SEMA6B: variants seen among roughly 807,000 people sequenced by gnomAD.
SEMA6B encodes the protein semaphorin-6B.
Under a neutral mutation model 78.6 loss-of-function variants are expected in SEMA6B, and 47 were observed. The ratio of observed to expected loss-of-function variants is 0.60; its 90% CI spans 0.47 to 0.76. The LOEUF (loss-of-function observed/expected upper bound fraction) is 0.76, where lower values mean the gene tolerates loss of function less well. SEMA6B is among the 30% of genes least tolerant of loss of function. The probability of loss-of-function intolerance (pLI) is 0.00; values close to 1 mark genes in which losing one functional copy is unlikely to be tolerated. For missense variants in SEMA6B, 1,213 were observed against 1,269.9 expected, an observed-to-expected ratio of 0.96 and a Z score of 0.68; for synonymous variants, 632 against 592.2, an observed-to-expected ratio of 1.07 and a Z score of -0.98.
rs1977224633 is a variant in SEMA6B, at chr19:4,548,265, G to C, written c.1452C>G (p.Asp484Glu). The C allele has an allele frequency of 6.2e-7, 1 of 1,606,100 alleles. No homozygotes were observed. Among genetic ancestry groups the C allele is most frequent in the Non-Finnish European group, 8.5e-7 (1 of 1,173,746 alleles). The change falls in exon 13 of 17, where the codon GAC (aspartate) becomes GAG (glutamate). Residue 484 changes from aspartate to glutamate, a missense_variant and splice_region_variant. By Grantham distance (45) the Asp-to-Glu change is conservative (BLOSUM62 2). Coordinates refer to ENST00000586582, the MANE Select transcript of SEMA6B (RefSeq NM_032108.4). ...FLEEFETYRP[D>E]RCGRPGGGET... ...TTCCCACCTTTGCCCAGACTTACCT[G>C]TCCGGCCGGTAGGTCTCAAACTCCT... is the stretch of plus-strand genomic sequence containing the variant.
chr19:4,559,372 G>A lies in SEMA6B; in HGVS notation c.-33+158C>T, dbSNP rs564176747. Among the ~76,000 whole-genome samples the A allele has an allele frequency of 1.8e-4, 27 of 152,044 alleles. No individual in the cohort carries two copies. In the South Asian group the frequency reaches 5.6e-3, roughly 32 times the overall value. On this transcript the variant is annotated intron_variant, in intron 1 of 16. Transcript: ENST00000586582. Reference sequence around the variant, plus strand: ...GACAGGCACCTCACTACCTCTCACGGGGGACTGCTTCCCACTCCCATTCAA... The same window carrying A: ...GACAGGCACCTCACTACCTCTCACGAGGGACTGCTTCCCACTCCCATTCAA...
At chr19:4,551,798 C>T (rs563658097) in intron 10 of SEMA6B, among the ~76,000 whole-genome samples, 56 of 151,186 alleles carry the variant, frequency 3.7e-4, no homozygotes, top group Non-Finnish European at 3.5e-4. Context: ...CACTGCACTC[C>T]AGCCTGGGCA....
At position 4,550,908 on chromosome 19, in the gene SEMA6B, C is replaced by T. The variant is rs769580864; in HGVS notation, c.1012G>A (p.Ala338Thr). Residue 338 changes from alanine to threonine, a missense_variant, in exon 11 of 17, where the codon GCC becomes ACC. Ala to Thr is a moderately conservative substitution (Grantham distance 58, BLOSUM62 0). Coordinates refer to ENST00000586582, the MANE Select transcript of SEMA6B (RefSeq NM_032108.4). This position sits in a 1 kb window ranked among gnomAD's most constrained non-coding sequence, Gnocchi z 6.6. ...GCTGCCACCTGTGTCAGGTCAAAGG[C>T]GCAGACAGCCGAGCCAGGGATGCTG... ...SNSIPGSAVC[A>T]FDLTQVAAVF... The T allele has an allele frequency of 9.9e-6, 16 of 1,613,532 alleles. No individual in the cohort carries two copies. The highest frequency in any genetic ancestry group is 4.5e-5 in the East Asian group (2 of 44,876).
intron 5 of SEMA6B, 103 bp from the exon 6 acceptor site, chr19:4,556,192 T>C: frequency 1.3e-6 from 1 of 788,430 alleles, no homozygotes; most frequent in Non-Finnish European, 2.2e-6. Flanking sequence ...CGGTCTGTTG[T>C]GGGCATGGCC....
At chr19:4,554,556 T>TA (rs1369298408) in intron 8 of SEMA6B, 80 bp from the exon 9 acceptor site, 1 of 1,109,636 alleles carries the variant, frequency 9.0e-7, no homozygotes, top group African/African-American at 1.5e-5. Context: ...CTGGCTTTTA[T>TA]GGTGAAGGGG....
rs771232662 is a variant in SEMA6B, at chr19:4,548,459, C to A, written c.1272-14G>T. The stretch of plus-strand genomic sequence containing the variant: ...GTCAGCTGGTGCCTGGGGGACAGGG[C>A]AGGGGAGGGTCAGGCTGGCCCCATA... On this transcript the variant is annotated splice_polypyrimidine_tract_variant and intron_variant, in intron 12 of 16. Coordinates refer to ENST00000586582, the MANE Select transcript of SEMA6B (RefSeq NM_032108.4). 1 of 1,605,494 alleles carries A rather than the reference C, an allele frequency of 6.2e-7. No homozygotes were observed. The highest frequency in any genetic ancestry group is 2.2e-5 in the East Asian group (1 of 44,668).
At chr19:4,556,696 T>C (rs542286978) in intron 5 of SEMA6B, among the ~76,000 whole-genome samples, 9 of 151,672 alleles carry the variant, frequency 5.9e-5, no homozygotes, top group South Asian at 4.2e-4. Context: ...CCAGAACTAT[T>C]TGGGGCGTGG....
intron 4 of SEMA6B, 50 bp downstream of exon 4, chr19:4,557,113 C>T (rs1977494067): frequency 6.3e-7 from 1 of 1,592,652 alleles, no homozygotes; most frequent in Non-Finnish European, 8.6e-7. Context: ...GGCGCAGTGC[C>T]GCGTCCCCCT....
rs547507044 is a variant in SEMA6B at position 4,546,205 on chromosome 19, C to T, written c.1738+11G>A. Reference sequence around the variant, plus strand: ...GGATGGGGGTCTTAGCCTGCCGTCCCCCCAACTCACCTGTGCAGTCCCCTA... The same window carrying T: ...GGATGGGGGTCTTAGCCTGCCGTCCTCCCAACTCACCTGTGCAGTCCCCTA... On this transcript the variant is annotated intron_variant, in intron 16 of 16. Transcript: ENST00000586582. 1 of 1,602,314 alleles carries T rather than the reference C, an allele frequency of 6.2e-7. No individual in the cohort carries two copies. The highest frequency in any genetic ancestry group is 1.3e-5 in the African/African-American group (1 of 74,758).
chr19:4,555,234 C>G lies in SEMA6B; in HGVS notation c.563-139G>C. 1.1e-6 allele frequency: 1 copy of G among 944,912 alleles called. No homozygotes were observed. The highest frequency in any genetic ancestry group is 1.6e-6 in the Non-Finnish European group (1 of 639,490). The allele number at this position is 944,912 out of a possible 1,614,324, so 58.5% of individuals were successfully genotyped here. On this transcript the variant is annotated intron_variant, in intron 7 of 16. Transcript: ENST00000586582. The surrounding 1 kb of genome is among the most constrained non-coding windows in gnomAD (Gnocchi z 6.1). ...TCTCCAGGCTGAGCCCTGATCCCATCCAAGCCCCACCTCCATCCAAGCCCT... is the reference window on the plus strand; with the variant it reads ...TCTCCAGGCTGAGCCCTGATCCCATGCAAGCCCCACCTCCATCCAAGCCCT...
chr19:4,542,678 C>A lies in SEMA6B; in HGVS notation c.*923G>T. ...GCAGAGGACCCAGCCAGCCACGTGGCATGCATGGTCAGCTGGAGGTCAGAG... is the reference window on the plus strand; with the variant it reads ...GCAGAGGACCCAGCCAGCCACGTGGAATGCATGGTCAGCTGGAGGTCAGAG... On this transcript the variant is annotated 3_prime_UTR_variant, in exon 17 of 17. Coordinates refer to ENST00000586582, the MANE Select transcript of SEMA6B (RefSeq NM_032108.4). The A allele has an allele frequency of 1.6e-6, 1 of 639,680 alleles. No individual in the cohort carries two copies. The highest frequency in any genetic ancestry group is 2.9e-6 in the Non-Finnish European group (1 of 348,516). The allele number at this position is 639,680 out of a possible 1,614,324, so 39.6% of individuals were successfully genotyped here.
rs1292524921 is a variant in SEMA6B, at chr19:4,548,013, G to A, written c.1601+14C>T. 9 of 1,534,144 alleles carry A rather than the reference G, an allele frequency of 5.9e-6. No homozygotes were observed. The highest frequency in any genetic ancestry group is 6.1e-6 in the Non-Finnish European group (7 of 1,141,224). ...TTGCTTCCCGCCCACGGCTGGCCTG[G>A]GGTGGACACTCACTTCATACACCCC... On this transcript the variant is annotated intron_variant, in intron 14 of 16. Transcript: ENST00000586582.
Position 4,550,997 on chromosome 19 carries a change from A to G in SEMA6B, c.990-67T>C. 6.3e-7 allele frequency: 1 copy of G among 1,576,068 alleles called. No homozygotes were observed. Among genetic ancestry groups the G allele is most frequent in the Admixed American group, 1.7e-5 (1 of 58,980 alleles). ...GGCCCCATCTCGGACAAGTGCGTGCAGGAGCCTCTGTCTGCAGGAGCCAGT... is the reference window on the plus strand; with the variant it reads ...GGCCCCATCTCGGACAAGTGCGTGCGGGAGCCTCTGTCTGCAGGAGCCAGT... On this transcript the variant is annotated intron_variant, in intron 10 of 16. Coordinates refer to ENST00000586582, the MANE Select transcript of SEMA6B (RefSeq NM_032108.4). This position sits in a 1 kb window ranked among gnomAD's most constrained non-coding sequence, Gnocchi z 6.6.
intron 3 of SEMA6B, 69 bp from the exon 4 acceptor site, chr19:4,557,292 G>A (rs766986749): frequency 2.1e-4 from 242 of 1,164,410 alleles, no homozygotes; most frequent in Non-Finnish European, 2.5e-4. Context: ...CCTTCCCACT[G>A]CCAATGTGGT....
At chr19:4,553,007 G>C (rs559644596) in intron 9 of SEMA6B, among the ~76,000 whole-genome samples, 81 of 152,350 alleles carry the variant, frequency 5.3e-4, no homozygotes, top group African/African-American at 1.8e-3. Flanking sequence ...GGTCACAATA[G>C]TAGTTAGTGG....
rs545291606 is a variant in SEMA6B, at chr19:4,548,631, C to T, written c.1272-186G>A. On this transcript the variant is annotated intron_variant, in intron 12 of 16. Coordinates refer to ENST00000586582, the MANE Select transcript of SEMA6B (RefSeq NM_032108.4). ...TACACAGGCACGTGGGCACACTCGC[C>T]CTTTTTTGAAACATAACCCCAAACC... 3.3e-5 allele frequency among the ~76,000 whole-genome samples: 5 copies of T among 152,338 alleles called. No individual in the cohort carries two copies. In the South Asian group the frequency reaches 1.0e-3, roughly 32 times the overall value.
chr19:4,553,013 A>G (rs1977371990), intron 9 of SEMA6B, among the ~76,000 whole-genome samples: 1 of 152,224 alleles, frequency 6.6e-6, no homozygotes, highest in African/African-American at 2.4e-5. Context: ...AATAGTAGTT[A>G]GTGGCAGTCT....
rs28667487 is a variant in SEMA6B, at chr19:4,550,371, G to A, written c.1122-99C>T. ...CATTGCTTTGCCCAACGACCCTCAG[G>A]TTTTTTGTTTGTTTTGTTTTTGAGA... On this transcript the variant is annotated intron_variant, in intron 11 of 16. Coordinates refer to ENST00000586582, the MANE Select transcript of SEMA6B (RefSeq NM_032108.4). This position sits in a 1 kb window ranked among gnomAD's most constrained non-coding sequence, Gnocchi z 6.6. The A allele has an allele frequency of 5.2e-6, 7 of 1,347,616 alleles. No individual in the cohort carries two copies. Among genetic ancestry groups the A allele is most frequent in the Admixed American group, 4.1e-5 (2 of 48,860 alleles). 83.5% of individuals were successfully genotyped at this position (1,347,616 alleles called of 1,614,324 possible). A position where few individuals can be genotyped will look rare whatever the true frequency, so the allele number is the denominator to read the frequency against.
In SEMA6B at chr19:4,558,035, A is replaced by G. The variant is rs764920560; in HGVS notation, c.236T>C (p.Ile79Thr). Residue 79 changes from isoleucine (I) to threonine (T), a missense_variant, in exon 3 of 17, where the codon ATT becomes ACT. Coordinates refer to ENST00000586582, the MANE Select transcript of SEMA6B (RefSeq NM_032108.4). The surrounding 1 kb of genome is among the most constrained non-coding windows in gnomAD (Gnocchi z 5.1). Reference sequence around the variant, plus strand: ...CTGTCCCCAGCAATACCTGTCCCCAATGAACAGCGTCCTGTTGACCCGCAG... The same window carrying G: ...CTGTCCCCAGCAATACCTGTCCCCAGTGAACAGCGTCCTGTTGACCCGCAG... ...RVLRVNRTLF[I>T]GDRDNLYRVE... is the part of the protein sequence containing the mutation. 1.6e-5 allele frequency: 23 copies of G among 1,463,822 alleles called. No homozygotes were observed. Among genetic ancestry groups the G allele is most frequent in the Middle Eastern group, 1.8e-4 (1 of 5,526 alleles). The allele number at this position is 1,463,822 out of a possible 1,614,324, so 90.7% of individuals were successfully genotyped here.
Sources: gnomAD v4.1 joint callset for allele counts (sites outside exome capture counted in the v4.1 genomes callset) on GRCh38, gnomAD v4.1.1 for gene constraint, Gnocchi (gnomAD v3.1) non-coding constraint, MANE v1.5 for transcripts, NCBI Gene and HGNC (gene_info 2026-07-23, HGNC 2026-07-21) for gene names.